MINPP1: variants seen among roughly 807,000 people sequenced by gnomAD.
MINPP1 encodes multiple inositol-polyphosphate phosphatase 1.
MINPP1 carries 28 observed loss-of-function variants against 46.1 expected under a neutral mutation model. The observed-to-expected ratio is 0.61, with a 90% CI of 0.45 to 0.83. MINPP1 has a LOEUF of 0.83. MINPP1 is among the 40% of genes least tolerant of loss of function. MINPP1 has a pLI of 0.00. For missense variants in MINPP1, 603 were observed against 610.0 expected (o/e 0.99, Z 0.12); for synonymous variants, 268 against 249.1 (o/e 1.08, Z -0.72).
intron 4 of MINPP1, among the ~76,000 whole-genome samples, chr10:87,536,112 T>C (rs1211284961): frequency 2.0e-5 from 3 of 152,190 alleles, no homozygotes; most frequent in Non-Finnish European, 4.4e-5. Context: ...TTGAAATAAA[T>C]ATACAGCGTT....
At chr10:87,534,123 G>A (rs1851700582) in intron 4 of MINPP1, among the ~76,000 whole-genome samples, 1 of 140,032 alleles carries the variant, frequency 7.1e-6, no homozygotes, top group East Asian at 2.1e-4. Context: ...CATCGTCTCG[G>A]CTCACTGCAA....
intron 4 of MINPP1, among the ~76,000 whole-genome samples, chr10:87,529,531 C>T (rs530494875): frequency 1.3e-5 from 2 of 152,260 alleles, no homozygotes; most frequent in Admixed American, 1.3e-4. Context: ...GAATATTGGC[C>T]CCCACTCTCT....
rs950806428 is a variant in MINPP1 at position 87,552,917 on chromosome 10, A to G, written c.*439A>G. ...TCTTTTCCTCAGGTAGGACAGCTCT[A>G]GCATTTTCTTAATCAGGAATATTGT... On this transcript the variant is annotated 3_prime_UTR_variant, in exon 5 of 5. Transcript: ENST00000371996. 1 of 160,884 alleles carries G rather than the reference A, an allele frequency of 6.2e-6. No individual in the cohort carries two copies. The highest frequency in any genetic ancestry group is 6.1e-5 in the Admixed American group (1 of 16,476). The allele number at this position is 160,884 out of a possible 1,614,324, so 10.0% of individuals were successfully genotyped here.
intron 2 of MINPP1, among the ~76,000 whole-genome samples, chr10:87,510,666 G>T (rs1564671941): frequency 6.6e-6 from 1 of 152,186 alleles, no homozygotes; most frequent in South Asian, 2.1e-4. Context: ...AGGCCAAGGT[G>T]GGTGGATCAC....
At chr10:87,546,961 TA>T (rs1213999923) in intron 4 of MINPP1, among the ~76,000 whole-genome samples, 1 of 151,968 alleles carries the variant, frequency 6.6e-6, no homozygotes, top group African/African-American at 2.4e-5. Context: ...AAATATCATT[TA>T]AAAAAAATTT....
chr10:87,513,082 GA>G, intron 2 of MINPP1, 41 bp from the exon 3 acceptor site: 1 of 1,481,738 alleles, frequency 6.7e-7, no homozygotes, highest in South Asian at 1.1e-5. Context: ...AAAAATTGCA[GA>G]AAATAATGAC....
Position 87,552,673 on chromosome 10 carries a change from CTT to C in MINPP1, c.*196_*197del, listed in dbSNP as rs1247146173. On this transcript the variant is annotated 3_prime_UTR_variant, in exon 5 of 5. Coordinates refer to ENST00000371996, the MANE Select transcript of MINPP1 (RefSeq NM_004897.5). ...AAAGATTTTTCACTGGAGCAGCTCT[CTT>C]AAGGAGAAACAAATCTATTTAGAGA... 6 of 577,248 alleles carry C rather than the reference CTT, an allele frequency of 1.0e-5. No individual in the cohort carries two copies. The highest frequency in any genetic ancestry group is 4.6e-4 in the Middle Eastern group (1 of 2,162). 35.8% of individuals were successfully genotyped at this position (577,248 alleles called of 1,614,324 possible).
At position 87,505,047 on chromosome 10, in the gene MINPP1, C is replaced by T; in HGVS notation, c.132C>T (p.Ser44=). The stretch of plus-strand genomic sequence containing the variant: ...GGGACCCGGTGGCCTCGTCGCTCAG[C>T]CCCTATTTCGGCACCAAGACTCGCT... ...EPRDPVASSL[S]PYFGTKTRYE... is the part of the protein sequence containing the mutation. The change falls in exon 1 of 5, where the codon AGC becomes AGT. Residue 44 remains serine (S), a synonymous_variant. Coordinates refer to ENST00000371996, the MANE Select transcript of MINPP1 (RefSeq NM_004897.5). The surrounding 1 kb of genome is among the most constrained non-coding windows in gnomAD (Gnocchi z 4.4). 6.2e-7 allele frequency: 1 copy of T among 1,613,362 alleles called. No individual in the cohort carries two copies. Among genetic ancestry groups the T allele is most frequent in the Non-Finnish European group, 8.5e-7 (1 of 1,179,912 alleles).
intron 4 of MINPP1, among the ~76,000 whole-genome samples, chr10:87,545,272 C>T (rs1419616295): frequency 6.6e-6 from 1 of 151,030 alleles, no homozygotes; most frequent in Non-Finnish European, 1.5e-5. Flanking sequence ...TAAAATTTCT[C>T]TAAGTGGGAT....
intron 3 of MINPP1, among the ~76,000 whole-genome samples, chr10:87,514,536 A>C (rs571532098): frequency 6.6e-6 from 1 of 152,198 alleles, no homozygotes; most frequent in East Asian, 1.9e-4. Context: ...TCCTTCGTAC[A>C]TTGGCGTTTT....
At chr10:87,526,603 A>G (rs1207085565) in intron 4 of MINPP1, among the ~76,000 whole-genome samples, 1 of 152,090 alleles carries the variant, frequency 6.6e-6, no homozygotes, top group Non-Finnish European at 1.5e-5. Context: ...TGGTGTTTTA[A>G]TCATGAAGTC....
At chr10:87,528,974 T>C (rs920273251) in intron 4 of MINPP1, among the ~76,000 whole-genome samples, 4 of 152,258 alleles carry the variant, frequency 2.6e-5, no homozygotes, top group Non-Finnish European at 4.4e-5. Context: ...TGGCCTTCTT[T>C]GTCTCTTTTG....
intron 4 of MINPP1, among the ~76,000 whole-genome samples, chr10:87,545,604 T>C (rs1851876094): frequency 6.6e-6 from 1 of 152,218 alleles, no homozygotes; most frequent in Non-Finnish European, 1.5e-5. Context: ...ATATGTCTTA[T>C]AATCCAGTGT....
chr10:87,538,791 G>A (rs577838831), intron 4 of MINPP1, among the ~76,000 whole-genome samples: 6 of 152,216 alleles, frequency 3.9e-5, no homozygotes, highest in African/African-American at 1.2e-4. Context: ...TGATATTCCT[G>A]GATCATGTTT....
intron 2 of MINPP1, among the ~76,000 whole-genome samples, chr10:87,509,537 G>A (rs1851304918): frequency 6.6e-6 from 1 of 152,140 alleles, no homozygotes; most frequent in Non-Finnish European, 1.5e-5. Context: ...CCACAACTTG[G>A]TTTTACTAAA....
At position 87,513,140 on chromosome 10, in the gene MINPP1, CT is replaced by C. The variant is rs1435705057; in HGVS notation, c.857del (p.Phe286SerfsTer22). The C allele has an allele frequency of 1.2e-6, 2 of 1,613,404 alleles. No homozygotes were observed. The highest frequency in any genetic ancestry group is 1.7e-6 in the Non-Finnish European group (2 of 1,179,646). On this transcript the variant is annotated frameshift_variant, in exon 3 of 5. Coordinates refer to ENST00000371996, the MANE Select transcript of MINPP1 (RefSeq NM_004897.5). LOFTEE classifies it high-confidence loss of function. ...DLNADLIQVA[F>X]FTCSFDLAIK... The stretch of plus-strand genomic sequence containing the variant: ...TCCCCCCAGATTTAATTCAAGTAGC[CT>C]TTTTCACCTGTTCATTTGACCTGGC...
intron 4 of MINPP1, 69 bp from the exon 5 acceptor site, chr10:87,552,013 C>T (rs1441432133): frequency 3.3e-6 from 4 of 1,226,146 alleles, no homozygotes; most frequent in Non-Finnish European, 4.6e-6. Context: ...GAAGTTACTC[C>T]TAAGTGTAAA....
chr10:87,552,043 A>G lies in MINPP1; in HGVS notation c.1068-39A>G, dbSNP rs752455184. On this transcript the variant is annotated intron_variant, in intron 4 of 4. Coordinates refer to ENST00000371996, the MANE Select transcript of MINPP1 (RefSeq NM_004897.5). ...TGTAAATACTATGTTCTATGACATT[A>G]ATATATATACCTTATTTTCTCTTAA... The G allele has an allele frequency of 5.8e-5, 85 of 1,471,916 alleles. 3 individuals are homozygous for G. The South Asian group carries it at 1.0e-3, about 17-fold the overall frequency. 91.2% of individuals were successfully genotyped at this position (1,471,916 alleles called of 1,614,324 possible).
intron 4 of MINPP1, among the ~76,000 whole-genome samples, chr10:87,524,477 C>T (rs1235059530): frequency 6.6e-6 from 1 of 152,168 alleles, no homozygotes; most frequent in African/African-American, 2.4e-5. Context: ...TCTTATCATC[C>T]ATGTGTTCAC....
Sources: allele counts gnomAD v4.1 joint callset (sites outside exome capture counted in the v4.1 genomes callset), GRCh38; gene constraint gnomAD v4.1.1; non-coding constraint Gnocchi (gnomAD v3.1); transcripts MANE v1.5; gene names NCBI Gene and HGNC (gene_info 2026-07-23, HGNC 2026-07-21).